Variants in MAEA observed in about 807,000 individuals in gnomAD.
The protein encoded by MAEA is macrophage erythroblast attacher, E3 ubiquitin ligase, also known as E3 ubiquitin-protein transferase MAEA.
MAEA carries 22 observed loss-of-function variants against 46.2 expected under a neutral mutation model. That is an observed-to-expected ratio of 0.48 (90% confidence interval 0.34 to 0.68). MAEA has a LOEUF of 0.68. Ranked by LOEUF, MAEA falls within the 30% of genes least tolerant of loss-of-function variation. MAEA has a pLI of 0.01. For synonymous variants in MAEA, 246 were observed against 222.6 expected (o/e 1.11, Z -0.94); for missense variants, 393 against 558.1 (o/e 0.70, Z 2.98).
chr4:1,322,623 G>T, intron 4 of MAEA, 120 bp downstream of exon 4: 1 of 1,387,256 alleles, frequency 7.2e-7, no homozygotes, highest in South Asian at 1.4e-5. Context: ...TTGTAAGGTG[G>T]GGGTTGGGTT....
rs564408825 is a variant in MAEA, at chr4:1,302,012, T to C, written c.70-9967T>C. 2.0e-5 allele frequency among the ~76,000 whole-genome samples: 3 copies of C among 152,304 alleles called. No homozygotes were observed. In the South Asian group the frequency reaches 6.2e-4, roughly 32 times the overall value. On this transcript the variant is annotated intron_variant, in intron 1 of 8. Transcript: ENST00000303400. ...CTCCTTCTATGAGGCCAGTATAACT[T>C]TGATATAACCTTGAACCAGACAAAG...
At chr4:1,322,220 G>A (rs1738220242) in intron 3 of MAEA, among the ~76,000 whole-genome samples, 161 bp from the exon 4 acceptor site, 1 of 152,180 alleles carries the variant, frequency 6.6e-6, no homozygotes, top group Non-Finnish European at 1.5e-5. Flanking sequence ...TCTCAGAGCG[G>A]CCCTGAGTAG....
At position 1,310,119 on chromosome 4, in the gene MAEA, G is replaced by T. The variant is rs1268499731; in HGVS notation, c.70-1860G>T. On this transcript the variant is annotated intron_variant, in intron 1 of 8. Coordinates refer to ENST00000303400, the MANE Select transcript of MAEA (RefSeq NM_001017405.3). ...GAGGCGCCTGCACAGGCAGAGCAAA[G>T]ACTGAGTATATGCCTTGCGTCCTTT... The T allele has an allele frequency of 5.9e-6, 4 of 674,088 alleles. No homozygotes were observed. In the East Asian group the frequency reaches 4.3e-4, roughly 73 times the overall value. 41.8% of individuals were successfully genotyped at this position (674,088 alleles called of 1,614,324 possible). A position where few individuals can be genotyped will look rare whatever the true frequency, so the allele number is the denominator to read the frequency against.
intron 1 of MAEA, chr4:1,309,595 G>C: frequency 6.6e-7 from 1 of 1,507,060 alleles, no homozygotes; most frequent in Non-Finnish European, 8.9e-7. Flanking sequence ...GAGGCAGGGA[G>C]GTGGGAGGAG....
chr4:1,324,723 G>C (rs900740238), intron 4 of MAEA, among the ~76,000 whole-genome samples: 12 of 126,880 alleles, frequency 9.5e-5, no homozygotes, highest in Admixed American at 5.3e-4. Context: ...GGATGAGTGT[G>C]TCTGGTGTTG....
chr4:1,334,717 G>A (rs1487584080), intron 6 of MAEA: 1 of 231,370 alleles, frequency 4.3e-6, no homozygotes, highest in Non-Finnish European at 7.1e-6. Context: ...CAGGAAAATG[G>A]GCCCCGTTGC....
Position 1,329,727 on chromosome 4 carries a change from A to AC in MAEA, c.656+2025dup, listed in dbSNP as rs1739299025. On this transcript the variant is annotated intron_variant, in intron 5 of 8. Coordinates refer to ENST00000303400, the MANE Select transcript of MAEA (RefSeq NM_001017405.3). Reference sequence around the variant, plus strand: ...GGGTGGCAGGTGGGGCATCGGCAGGACGTTTGTGGGGTGAGGGAGTGCGGG... The same window carrying AC: ...GGGTGGCAGGTGGGGCATCGGCAGGACCGTTTGTGGGGTGAGGGAGTGCGGG... The AC allele has an allele frequency of 1.4e-5, 14 of 985,002 alleles. No individual in the cohort carries two copies. In the South Asian group the frequency reaches 6.6e-4, roughly 46 times the overall value. The allele number at this position is 985,002 out of a possible 1,614,324, so 61.0% of individuals were successfully genotyped here.
rs760760206 is a variant in MAEA at position 1,338,528 on chromosome 4, T to G, written c.1006T>G (p.Ser336Ala). The G allele has an allele frequency of 6.2e-7, 1 of 1,613,332 alleles. No individual in the cohort carries two copies. The highest frequency in any genetic ancestry group is 1.1e-5 in the South Asian group (1 of 91,088). ...QPLPMAHCAN[S>A]RLVCKISGDV... ...CCTGCCCATGGCCCACTGTGCCAAC[T>G]CCCGCCTGGTCTGCAAGATTTCTGG... The change falls in exon 8 of 9, where the codon TCC (serine) becomes GCC (alanine). Residue 336 changes from serine to alanine, a missense_variant. This residue lies in a region of MAEA where 358 missense variants were observed against 537.9 expected (regional missense o/e 0.67). Transcript: ENST00000303400.
At chr4:1,300,973 C>T (rs1416223027) in intron 1 of MAEA, among the ~76,000 whole-genome samples, 2 of 152,234 alleles carry the variant, frequency 1.3e-5, no homozygotes, top group African/African-American at 4.8e-5. Flanking sequence ...CGCACCAGAA[C>T]ATGAGACTGG....
intron 2 of MAEA, among the ~76,000 whole-genome samples, chr4:1,315,026 C>CT (rs1736954308): frequency 6.6e-6 from 1 of 152,100 alleles, no homozygotes; most frequent in African/African-American, 2.4e-5. Context: ...ACAAAATTGA[C>CT]TTTAAGAAAA....
chr4:1,307,840 G>C (rs1326227775), intron 1 of MAEA, among the ~76,000 whole-genome samples: 1 of 152,120 alleles, frequency 6.6e-6, no homozygotes, highest in African/African-American at 2.4e-5. Flanking sequence ...CTGGGCCCCA[G>C]CGGACTGGAT....
chr4:1,333,941 CAT>C (rs1712276329), intron 6 of MAEA, among the ~76,000 whole-genome samples: 1 of 88,812 alleles, frequency 1.1e-5, no homozygotes, highest in African/African-American at 5.0e-5. Flanking sequence ...CTCCCGTGCC[CAT>C]GTGCCCACCC....
intron 1 of MAEA, among the ~76,000 whole-genome samples, chr4:1,291,987 G>A (rs1734148868): frequency 6.6e-6 from 1 of 152,140 alleles, no homozygotes; most frequent in Non-Finnish European, 1.5e-5. Flanking sequence ...GGGAAACTAG[G>A]GATCCTTGAT....
At chr4:1,290,670 C>T (rs1463469016) in intron 1 of MAEA, among the ~76,000 whole-genome samples, 2 of 152,244 alleles carry the variant, frequency 1.3e-5, no homozygotes, top group African/African-American at 4.8e-5. Flanking sequence ...TCATAGCTTT[C>T]CTAGAGCTGC....
chr4:1,339,153 A>T lies in MAEA; in HGVS notation c.1175A>T (p.Lys392Met). 6.2e-7 allele frequency: 1 copy of T among 1,613,886 alleles called. No individual in the cohort carries two copies. The highest frequency in any genetic ancestry group is 8.5e-7 in the Non-Finnish European group (1 of 1,179,962). ...GTCTTCCACTTCTCACAAGCCGAGA[A>T]GGTGTACATCATGTAGGCCCCACGT... ...KEVFHFSQAE[K>M]VYIM The change falls in exon 9 of 9, where the codon AAG becomes ATG. Residue 392 changes from lysine to methionine, a missense_variant. Transcript: ENST00000303400.
At chr4:1,290,540 G>A (rs138628833) in intron 1 of MAEA, among the ~76,000 whole-genome samples, 1 of 152,376 alleles carries the variant, frequency 6.6e-6, no homozygotes, top group Non-Finnish European at 1.5e-5. Context: ...ACCTAGCCAC[G>A]TCGCACTTCT....
At chr4:1,293,722 G>T (rs541370987) in intron 1 of MAEA, among the ~76,000 whole-genome samples, 1 of 152,362 alleles carries the variant, frequency 6.6e-6, no homozygotes, top group East Asian at 1.9e-4. Flanking sequence ...CCAGAGGACA[G>T]GCTGAGAAAC....
chr4:1,321,862 TTTTTTTTGTTG>T (rs1389150535), intron 3 of MAEA, among the ~76,000 whole-genome samples: 2 of 136,158 alleles, frequency 1.5e-5, no homozygotes, highest in African/African-American at 5.8e-5. Flanking sequence ...GGTTACTCTG[TTTTTTTTGTTG>T]TTTTTTTTTT....
intron 1 of MAEA, among the ~76,000 whole-genome samples, chr4:1,290,774 C>G (rs149318018): frequency 1.3e-5 from 2 of 152,180 alleles, no homozygotes; most frequent in Admixed American, 1.3e-4. Context: ...CGTCTGAGGA[C>G]GGACGGTGTG....
Sources: gnomAD v4.1 joint callset for allele counts (sites outside exome capture counted in the v4.1 genomes callset) on GRCh38, gnomAD v4.1.1 for gene constraint, gnomAD v4.1.1 regional missense constraint, MANE v1.5 for transcripts, NCBI Gene and HGNC (gene_info 2026-07-23, HGNC 2026-07-21) for gene names.